Variants in FRMD4B observed in about 807,000 individuals in gnomAD.
FRMD4B encodes the protein FERM domain-containing protein 4B.
In FRMD4B, 74 loss-of-function variants were observed where a neutral mutation model predicts 141.5. That is an observed-to-expected ratio of 0.52 (90% CI 0.43 to 0.63). FRMD4B has a LOEUF of 0.63. Among genes scored for constraint, FRMD4B ranks in the 30% least tolerant of loss-of-function variants. The probability of loss-of-function intolerance (pLI) is 0.00; values close to 1 mark genes in which losing one functional copy is unlikely to be tolerated. For synonymous variants in FRMD4B, 506 were observed against 467.9 expected (o/e 1.08, Z -1.05); for missense variants, 1,366 against 1,253.4 (o/e 1.09, Z -1.36).
intron 1 of FRMD4B, among the ~76,000 whole-genome samples, chr3:69,319,954 A>G (rs541466845): frequency 6.6e-6 from 1 of 152,372 alleles, no homozygotes; most frequent in Non-Finnish European, 1.5e-5. Context: ...TTTCACTTCC[A>G]GAAAAACATA....
rs79215539 is a variant in FRMD4B at position 69,421,776 on chromosome 3, C to T, written c.-1+10858G>A. On this transcript the variant is annotated intron_variant, in intron 2 of 5. Coordinates refer to the FRMD4B transcript ENST00000459638. The stretch of plus-strand genomic sequence containing the variant: ...TGGATAACACAGATCTGAAACATGT[C>T]CAGCTTTGTAGAAAATTCTCTTGGA... Among the ~76,000 whole-genome samples the T allele has an allele frequency of 7.2e-3, 1,101 of 152,294 alleles. 10 individuals carry two copies. The highest frequency in any genetic ancestry group is 0.025 in the African/African-American group (1,044 of 41,556).
At chr3:69,346,622 T>C (rs1414238046) in intron 1 of FRMD4B, among the ~76,000 whole-genome samples, 44 of 152,150 alleles carry the variant, frequency 2.9e-4, no homozygotes, top group Admixed American at 2.9e-3. Context: ...ATCAGACTAA[T>C]AGGGGATCTC....
chr3:69,496,420 G>A (rs376905029), intron 1 of FRMD4B, among the ~76,000 whole-genome samples: 150 of 152,200 alleles, frequency 9.9e-4, no homozygotes, highest in Non-Finnish European at 1.5e-3. Flanking sequence ...TTGATTTAAA[G>A]ATGGGCGAGT....
intron 5 of FRMD4B, among the ~76,000 whole-genome samples, chr3:69,253,183 AT>A (rs5849890): frequency 0.011 from 1,404 of 129,832 alleles, 17 homozygotes; most frequent in African/African-American, 0.039. Flanking sequence ...TATGATTCCT[AT>A]TTTTTTTTTT....
intron 4 of FRMD4B, among the ~76,000 whole-genome samples, chr3:69,298,286 C>G (rs1701098296): frequency 6.6e-6 from 1 of 152,018 alleles, no homozygotes; most frequent in African/African-American, 2.4e-5. Context: ...ATTTTGTATC[C>G]CCTGCTCTCT....
upstream of FRMD4B, among the ~76,000 whole-genome samples, chr3:69,390,640 C>T (rs996788670): frequency 6.6e-6 from 1 of 152,088 alleles, no homozygotes; most frequent in Non-Finnish European, 1.5e-5. Flanking sequence ...TGCCTGTAAT[C>T]CCAGCACTTT....
intron 1 of FRMD4B, among the ~76,000 whole-genome samples, chr3:69,373,492 C>A (rs1703884770): frequency 6.6e-6 from 1 of 152,144 alleles, no homozygotes; most frequent in African/African-American, 2.4e-5. Flanking sequence ...TTAATTATAC[C>A]TATTTAACAT....
intron 1 of FRMD4B, among the ~76,000 whole-genome samples, chr3:69,343,577 G>GTTTTTT (rs66705405): frequency 2.4e-5 from 3 of 126,538 alleles, no homozygotes; most frequent in Non-Finnish European, 3.3e-5. Context: ...ACAGTTTTTT[G>GTTTTTT]TTTTTTTTTT....
intron 1 of FRMD4B, among the ~76,000 whole-genome samples, chr3:69,475,304 C>G (rs988349037): frequency 2.0e-5 from 3 of 151,882 alleles, no homozygotes; most frequent in African/African-American, 7.3e-5. Context: ...GTGCTGCACC[C>G]ATTAACTCGT....
chr3:69,369,828 C>A (rs1270664023), intron 1 of FRMD4B, among the ~76,000 whole-genome samples: 1 of 151,948 alleles, frequency 6.6e-6, no homozygotes, highest in Non-Finnish European at 1.5e-5. Flanking sequence ...TTGGTAGTAG[C>A]CTATTTATTA....
At chr3:69,411,156 A>T (rs1704754063) in intron 2 of FRMD4B, among the ~76,000 whole-genome samples, 1 of 152,022 alleles carries the variant, frequency 6.6e-6, no homozygotes, top group South Asian at 2.1e-4. Context: ...ACATCAGAAC[A>T]ATTTATCCAG....
At chr3:69,203,593 C>G (rs1232659684) in intron 11 of FRMD4B, among the ~76,000 whole-genome samples, 1 of 152,150 alleles carries the variant, frequency 6.6e-6, no homozygotes, top group African/African-American at 2.4e-5. Context: ...GGTTAGCATT[C>G]TGGTACTGCC....
chr3:69,430,534 A>T (rs1403080105), intron 2 of FRMD4B, among the ~76,000 whole-genome samples: 1 of 152,198 alleles, frequency 6.6e-6, no homozygotes, highest in East Asian at 1.9e-4. Flanking sequence ...TTTCACTCTC[A>T]AAATGTTTAC....
intron 1 of FRMD4B, among the ~76,000 whole-genome samples, chr3:69,346,403 C>T (rs953839943): frequency 3.3e-5 from 5 of 152,178 alleles, no homozygotes; most frequent in Non-Finnish European, 7.3e-5. Flanking sequence ...TTGGAAAACA[C>T]TCTGCAAGAT....
chr3:69,417,187 A>G (rs558542035), intron 2 of FRMD4B, among the ~76,000 whole-genome samples: 3 of 152,114 alleles, frequency 2.0e-5, no homozygotes, highest in Non-Finnish European at 2.9e-5. Flanking sequence ...AAGGGCTCCT[A>G]TTTCTCCACA....
chr3:69,524,387 C>A (rs1314188773), intron 1 of FRMD4B, among the ~76,000 whole-genome samples: 1 of 152,224 alleles, frequency 6.6e-6, no homozygotes, highest in East Asian at 1.9e-4. Context: ...TAATCCAAAT[C>A]TTCCTGACTC....
intron 11 of FRMD4B, among the ~76,000 whole-genome samples, chr3:69,205,894 C>A (rs570261870): frequency 2.0e-5 from 3 of 152,282 alleles, no homozygotes; most frequent in South Asian, 4.2e-4. Context: ...TCAACTATGC[C>A]TGTTCACATT....
At chr3:69,270,554 T>G (rs1052593804) in intron 5 of FRMD4B, among the ~76,000 whole-genome samples, 14 of 140,034 alleles carry the variant, frequency 1.0e-4, no homozygotes, top group Non-Finnish European at 1.6e-5. Flanking sequence ...AAGCATTTTC[T>G]TTTTTTCTTT....
chr3:69,305,750 T>C (rs1575712091), intron 3 of FRMD4B, among the ~76,000 whole-genome samples: 1 of 152,154 alleles, frequency 6.6e-6, no homozygotes, highest in Non-Finnish European at 1.5e-5. Context: ...AGAGACCCTG[T>C]CTCTGAAAAT....
Sources: gnomAD v4.1 joint callset for allele counts (sites outside exome capture counted in the v4.1 genomes callset) on GRCh38, gnomAD v4.1.1 for gene constraint, MANE v1.5 for transcripts, NCBI Gene and HGNC (gene_info 2026-07-23, HGNC 2026-07-21) for gene names.